The following EYS variants were observed in gnomAD, a reference collection of about 807,000 sequenced individuals.
The protein encoded by EYS is protein eyes shut homolog.
In EYS, 250 loss-of-function variants were observed where a neutral mutation model predicts 282.1. The ratio of observed to expected loss-of-function variants is 0.89; its 90% CI spans 0.80 to 0.98. EYS has a LOEUF of 0.98. Ranked by LOEUF, EYS falls within the 50% of genes least tolerant of loss-of-function variation. The pLI is 0.00. For synonymous variants in EYS, 1,355 were observed against 1,282.9 expected, an observed-to-expected ratio of 1.06 and a Z score of -1.20; for missense variants, 4,016 against 3,709.0, an observed-to-expected ratio of 1.08 and a Z score of -2.15.
intron 41 of EYS, among the ~76,000 whole-genome samples, chr6:63,759,552 A>C (rs1015292130): frequency 3.9e-5 from 6 of 152,150 alleles, no homozygotes; most frequent in Admixed American, 6.6e-5. Flanking sequence ...AATCATAGCC[A>C]GTGCCTACTT....
At chr6:65,256,262 CTT>C (rs561232052) in intron 12 of EYS, among the ~76,000 whole-genome samples, 1 of 137,252 alleles carries the variant, frequency 7.3e-6, no homozygotes, top group Middle Eastern at 3.8e-3. Context: ...AGACAAACTT[CTT>C]TTTTTTTTTC....
intron 31 of EYS, among the ~76,000 whole-genome samples, chr6:64,156,046 G>A (rs966732598): frequency 6.7e-6 from 1 of 149,504 alleles, no homozygotes; most frequent in East Asian, 1.9e-4. Context: ...GTGTGTTTGT[G>A]TGTGTGTATG....
At chr6:65,642,809 T>C (rs936795476) in intron 1 of EYS, among the ~76,000 whole-genome samples, 14 of 152,210 alleles carry the variant, frequency 9.2e-5, no homozygotes, top group Non-Finnish European at 4.4e-5. Context: ...AAGTTTTTAA[T>C]AGAATTGTTT....
chr6:64,366,736 T>C (rs1486010096), intron 29 of EYS, among the ~76,000 whole-genome samples: 1 of 151,954 alleles, frequency 6.6e-6, no homozygotes, highest in African/African-American at 2.4e-5. Flanking sequence ...GAAAAAAAAT[T>C]AGCAAAATTA....
chr6:64,695,413 C>T (rs1230661314), intron 22 of EYS, among the ~76,000 whole-genome samples: 1 of 151,978 alleles, frequency 6.6e-6, no homozygotes, highest in Non-Finnish European at 1.5e-5. Flanking sequence ...CCATTGCACC[C>T]CAGCTACTGA....
intron 26 of EYS, among the ~76,000 whole-genome samples, chr6:64,540,551 C>T (rs965242564): frequency 2.8e-5 from 4 of 142,732 alleles, no homozygotes; most frequent in Non-Finnish European, 4.5e-5. Context: ...GACACAATCT[C>T]GGCTCACTGC....
chr6:65,277,583 T>A (rs1047388369), intron 12 of EYS, among the ~76,000 whole-genome samples: 2 of 152,106 alleles, frequency 1.3e-5, no homozygotes, highest in African/African-American at 4.8e-5. Context: ...ATTTTGAACA[T>A]CTATCCTTAA....
intron 5 of EYS, among the ~76,000 whole-genome samples, chr6:65,456,223 C>T (rs939387689): frequency 2.0e-5 from 3 of 151,952 alleles, no homozygotes; most frequent in African/African-American, 7.2e-5. Context: ...GAAGCTGAGG[C>T]AGGCGAATCA....
At chr6:65,136,941 C>T (rs995416670) in intron 12 of EYS, among the ~76,000 whole-genome samples, 1 of 152,118 alleles carries the variant, frequency 6.6e-6, no homozygotes, top group Non-Finnish European at 1.5e-5. Flanking sequence ...CTCGGCCTTC[C>T]AAAGTGCTGG....
chr6:63,939,693 GC>G (rs761979383), intron 35 of EYS, among the ~76,000 whole-genome samples: 4 of 151,358 alleles, frequency 2.6e-5, no homozygotes, highest in Non-Finnish European at 5.9e-5. Flanking sequence ...AAACCATATA[GC>G]CCAGAAATAT....
At chr6:63,905,080 C>T (rs1773742663) in intron 35 of EYS, among the ~76,000 whole-genome samples, 1 of 152,166 alleles carries the variant, frequency 6.6e-6, no homozygotes. Context: ...CTGTCCTCTG[C>T]GATCACTAAT....
chr6:65,655,960 T>C (rs192009495), intron 1 of EYS, among the ~76,000 whole-genome samples: 4 of 152,032 alleles, frequency 2.6e-5, no homozygotes, highest in Admixed American at 2.6e-4. Context: ...CACCATGTGC[T>C]CACTTCGTGT....
intron 35 of EYS, among the ~76,000 whole-genome samples, chr6:63,872,884 C>T (rs1446977713): frequency 1.3e-5 from 2 of 152,040 alleles, no homozygotes; most frequent in Non-Finnish European, 2.9e-5. Context: ...GGCTCTGTCT[C>T]TTGACCAAAC....
chr6:64,771,714 A>G (rs544788255), intron 22 of EYS, among the ~76,000 whole-genome samples: 2 of 151,870 alleles, frequency 1.3e-5, no homozygotes, highest in Admixed American at 1.3e-4. Context: ...GTGTTCAATA[A>G]ATATGGTCTA....
At chr6:65,629,755 C>CTGA (rs1453378975) in intron 2 of EYS, among the ~76,000 whole-genome samples, 1 of 152,128 alleles carries the variant, frequency 6.6e-6, no homozygotes, top group Admixed American at 6.5e-5. Context: ...CTGCTGCAAC[C>CTGA]TGATGTCTTG....
chr6:65,455,758 A>G (rs550073446), intron 5 of EYS, among the ~76,000 whole-genome samples: 13 of 152,246 alleles, frequency 8.5e-5, no homozygotes, highest in Non-Finnish European at 1.8e-4. Context: ...ATCGGTAACA[A>G]AAAGTCTTCC....
At chr6:65,672,709 C>T (rs1173287417) in intron 1 of EYS, among the ~76,000 whole-genome samples, 3 of 152,034 alleles carry the variant, frequency 2.0e-5, no homozygotes, top group Admixed American at 6.6e-5. Flanking sequence ...TGTAAAGATG[C>T]TCAATGAATA....
intron 13 of EYS, among the ~76,000 whole-genome samples, chr6:65,028,650 C>G (rs1487103458): frequency 6.6e-6 from 1 of 151,978 alleles, no homozygotes; most frequent in Non-Finnish European, 1.5e-5. Flanking sequence ...AGAAGTACAA[C>G]AGAAGTGATA....
intron 15 of EYS, among the ~76,000 whole-genome samples, chr6:64,943,515 C>G (rs1020809716): frequency 1.3e-5 from 2 of 152,050 alleles, no homozygotes; most frequent in Non-Finnish European, 2.9e-5. Context: ...AGTAACATTT[C>G]TATGCACCAA....
Sources: gnomAD v4.1 joint callset for allele counts (sites outside exome capture counted in the v4.1 genomes callset) on GRCh38, gnomAD v4.1.1 for gene constraint, MANE v1.5 for transcripts, NCBI Gene and HGNC (gene_info 2026-07-23, HGNC 2026-07-21) for gene names.